TATDN2: variants seen among roughly 807,000 people sequenced by gnomAD.
TATDN2 encodes the protein 3'-5' RNA nuclease TATDN2.
Under a neutral mutation model 60.3 loss-of-function variants are expected in TATDN2, and 44 were observed. The observed-to-expected ratio is 0.73, with a 90% CI of 0.57 to 0.94. The LOEUF is 0.94. Ranked by LOEUF, TATDN2 falls within the 40% of genes least tolerant of loss-of-function variation. The pLI is 0.00. For missense variants in TATDN2, 997 were observed against 948.0 expected (o/e 1.05, Z -0.68); for synonymous variants, 399 against 355.8 (o/e 1.12, Z -1.37).
chr3:10,260,244 G>A lies in TATDN2; in HGVS notation c.522G>A (p.Lys174=). ...IEEPNKVQKR[K]RDRLRDQGST... ...AACCCAACAAGGTCCAGAAAAGGAAGAGGGATAGACTTCGAGACCAGGGCT... is the reference window on the plus strand; with the variant it reads ...AACCCAACAAGGTCCAGAAAAGGAAAAGGGATAGACTTCGAGACCAGGGCT... Residue 174 remains lysine (K), a synonymous_variant, in exon 3 of 8, where the codon AAG becomes AAA. Transcript: ENST00000448281. 1 of 1,614,188 alleles carries A rather than the reference G, an allele frequency of 6.2e-7. No individual in the cohort carries two copies. The highest frequency in any genetic ancestry group is 8.5e-7 in the Non-Finnish European group (1 of 1,180,040).
chr3:10,277,985 T>C (rs1332425955), intron 5 of TATDN2, among the ~76,000 whole-genome samples: 1 of 152,148 alleles, frequency 6.6e-6, no homozygotes, highest in East Asian at 1.9e-4. Context: ...TCCTCTTCAG[T>C]GTTAGAAGCA....
At chr3:10,249,734 T>G in intron 2 of TATDN2, 120 bp downstream of exon 2, 1 of 1,221,536 alleles carries the variant, frequency 8.2e-7, no homozygotes, top group Non-Finnish European at 1.1e-6. Flanking sequence ...GTCTGGAAGG[T>G]CTTTCTAGAA....
Position 10,250,041 on chromosome 3 carries a change from T to C in TATDN2, c.414+427T>C, listed in dbSNP as rs1479909139. Reference sequence around the variant, plus strand: ...GAATGTATTTATTTTAGTTGTCAGTTTAAAGAATTGTGTGCCCTTGTACTT... The same window carrying C: ...GAATGTATTTATTTTAGTTGTCAGTCTAAAGAATTGTGTGCCCTTGTACTT... On this transcript the variant is annotated intron_variant, in intron 2 of 7. Coordinates refer to ENST00000448281, the MANE Select transcript of TATDN2 (RefSeq NM_014760.4). 3.3e-5 allele frequency among the ~76,000 whole-genome samples: 5 copies of C among 152,126 alleles called. No homozygotes were observed. The East Asian group carries it at 9.6e-4, about 29-fold the overall frequency.
chr3:10,251,234 T>C (rs1698229335), intron 2 of TATDN2, among the ~76,000 whole-genome samples: 1 of 152,072 alleles, frequency 6.6e-6, no homozygotes, highest in Admixed American at 6.6e-5. Context: ...GTCGCATGAC[T>C]GCCCACAATG....
chr3:10,266,903 C>T (rs1484259400), intron 3 of TATDN2, among the ~76,000 whole-genome samples: 1 of 149,816 alleles, frequency 6.7e-6, no homozygotes, highest in Admixed American at 6.7e-5. Context: ...TAAATTTTAC[C>T]ATACAGGCTT....
At position 10,260,591 on chromosome 3, in the gene TATDN2, A is replaced by C. The variant is rs749391920; in HGVS notation, c.869A>C (p.Asp290Ala). The C allele has an allele frequency of 1.2e-6, 2 of 1,614,134 alleles. No homozygotes were observed. The highest frequency in any genetic ancestry group is 1.7e-6 in the Non-Finnish European group (2 of 1,180,024). Residue 290 changes from aspartate (D) to alanine (A), a missense_variant, in exon 3 of 8, where the codon GAC becomes GCC. Coordinates refer to ENST00000448281, the MANE Select transcript of TATDN2 (RefSeq NM_014760.4). ...QEKPSEEPLGDRRTVIDKCSP... is the reference protein window; with the variant it reads ...QEKPSEEPLGARRTVIDKCSP... ...AAACCCAGTGAGGAGCCCCTTGGGG[A>C]CCGAAGGACTGTCATTGACAAATGC... is the stretch of plus-strand genomic sequence containing the variant.
chr3:10,272,179 A>G (rs1439234288), intron 4 of TATDN2, among the ~76,000 whole-genome samples: 2 of 151,458 alleles, frequency 1.3e-5, no homozygotes, highest in African/African-American at 4.9e-5. Flanking sequence ...GCCACAGCTC[A>G]CTGCAGCCTT....
At chr3:10,249,782 C>G (rs981564934) in intron 2 of TATDN2, among the ~76,000 whole-genome samples, 168 bp downstream of exon 2, 1 of 152,174 alleles carries the variant, frequency 6.6e-6, no homozygotes, top group Non-Finnish European at 1.5e-5. Context: ...AGCAGTCTTC[C>G]AGGCGCGTGG....
intron 3 of TATDN2, 66 bp from the exon 4 acceptor site, chr3:10,270,065 G>T: frequency 6.5e-7 from 1 of 1,544,290 alleles, no homozygotes. Flanking sequence ...TTCAGCTGAT[G>T]ACAGCCTGGG....
At position 10,279,615 on chromosome 3, in the gene TATDN2, C is replaced by G. The variant is rs1698698066; in HGVS notation, c.*433C>G. The G allele has an allele frequency of 6.6e-6, 1 of 152,004 alleles. No homozygotes were observed. 9.4% of individuals were successfully genotyped at this position (152,004 alleles called of 1,614,324 possible). On this transcript the variant is annotated 3_prime_UTR_variant, in exon 8 of 8. Transcript: ENST00000448281. Reference sequence around the variant, plus strand: ...GTAACTCAGTTCCTGGTTCTCGGTTCTAAAAACAGACTTCCAACTGGGAAA... The same window carrying G: ...GTAACTCAGTTCCTGGTTCTCGGTTGTAAAAACAGACTTCCAACTGGGAAA...
At chr3:10,258,022 G>A (rs1698342024) in intron 2 of TATDN2, among the ~76,000 whole-genome samples, 1 of 150,442 alleles carries the variant, frequency 6.6e-6, no homozygotes, top group Admixed American at 6.6e-5. Context: ...CACCACGCAC[G>A]GCTAATTTTT....
intron 3 of TATDN2, among the ~76,000 whole-genome samples, chr3:10,266,743 G>A (rs1016156936): frequency 2.0e-5 from 3 of 152,144 alleles, no homozygotes; most frequent in African/African-American, 7.2e-5. Flanking sequence ...TGTTCAGTGA[G>A]GTTTCAGGAA....
intron 2 of TATDN2, among the ~76,000 whole-genome samples, chr3:10,258,745 C>G (rs1698354610): frequency 6.6e-6 from 1 of 152,006 alleles, no homozygotes; most frequent in African/African-American, 2.4e-5. Context: ...GCTGGGATTA[C>G]AGGTGTGAGG....
intron 2 of TATDN2, among the ~76,000 whole-genome samples, chr3:10,250,420 G>T (rs1698205167): frequency 6.6e-6 from 1 of 151,910 alleles, no homozygotes; most frequent in South Asian, 2.1e-4. Context: ...TTGCATCCTA[G>T]ATTTTGAAGG....
Position 10,274,434 on chromosome 3 carries a change from C to T in TATDN2, c.1834-1927C>T, listed in dbSNP as rs76608597. 4.9e-3 allele frequency among the ~76,000 whole-genome samples: 742 copies of T among 152,262 alleles called. 2 individuals are homozygous for T. The highest frequency in any genetic ancestry group is 0.017 in the African/African-American group (706 of 41,534). On this transcript the variant is annotated intron_variant, in intron 4 of 7. Coordinates refer to ENST00000448281, the MANE Select transcript of TATDN2 (RefSeq NM_014760.4). Reference sequence around the variant, plus strand: ...AATAGTTTTAAGTGTCTTTTCTACTCGTGAAATTTTCCCATTCATCAGCTA... The same window carrying T: ...AATAGTTTTAAGTGTCTTTTCTACTTGTGAAATTTTCCCATTCATCAGCTA...
chr3:10,266,953 CAG>C (rs1301689713), intron 3 of TATDN2, among the ~76,000 whole-genome samples: 8 of 79,744 alleles, frequency 1.0e-4, no homozygotes, highest in African/African-American at 3.3e-4. Flanking sequence ...TTTTTTGAGA[CAG>C]AGTCTTGCTC....
chr3:10,267,814 T>A (rs756204455), intron 3 of TATDN2, among the ~76,000 whole-genome samples: 1 of 152,220 alleles, frequency 6.6e-6, no homozygotes, highest in Non-Finnish European at 1.5e-5. Context: ...CTGTATATGA[T>A]AAACATTTTA....
Position 10,248,594 on chromosome 3 carries a change from G to A in TATDN2, c.-480G>A, listed in dbSNP as rs1435983693. The A allele has an allele frequency of 1.3e-5, 2 of 151,948 alleles. No homozygotes were observed. Among genetic ancestry groups the A allele is most frequent in the Non-Finnish European group, 2.9e-5 (2 of 68,056 alleles). The allele number at this position is 151,948 out of a possible 1,614,324, so 9.4% of individuals were successfully genotyped here. On this transcript the variant is annotated 5_prime_UTR_variant, in exon 1 of 8. Coordinates refer to ENST00000448281, the MANE Select transcript of TATDN2 (RefSeq NM_014760.4). Reference sequence around the variant, plus strand: ...GGGCAGGCGGCGGGCTGCCCGGCGGGACAGCTGCGGCAGCCGGCGGGGGGC... The same window carrying A: ...GGGCAGGCGGCGGGCTGCCCGGCGGAACAGCTGCGGCAGCCGGCGGGGGGC...
intron 2 of TATDN2, among the ~76,000 whole-genome samples, chr3:10,253,851 G>A (rs1357641911): frequency 1.3e-5 from 2 of 152,204 alleles, no homozygotes. Flanking sequence ...GCTGACCAAG[G>A]CCATGCAGCT....
Sources: allele counts gnomAD v4.1 joint callset (sites outside exome capture counted in the v4.1 genomes callset), GRCh38; gene constraint gnomAD v4.1.1; transcripts MANE v1.5; gene names NCBI Gene and HGNC (gene_info 2026-07-23, HGNC 2026-07-21).